NARS2: variants seen among roughly 807,000 people sequenced by gnomAD.
NARS2 encodes asparaginyl-tRNA synthetase 2, mitochondrial.
NARS2 carries 60 observed loss-of-function variants against 62.9 expected under a neutral mutation model. The ratio of observed to expected loss-of-function variants is 0.95; its 90% CI spans 0.77 to 1.18. The LOEUF (loss-of-function observed/expected upper bound fraction) is 1.18, where lower values mean the gene tolerates loss of function less well. NARS2 is among the 50% of genes most tolerant of loss of function. NARS2 has a pLI of 0.00. For synonymous variants in NARS2, 196 were observed against 200.0 expected (o/e 0.98, Z 0.17); for missense variants, 619 against 576.4 (o/e 1.07, Z -0.76).
intron 5 of NARS2, among the ~76,000 whole-genome samples, chr11:78,552,210 C>A (rs961979831): frequency 1.3e-5 from 2 of 152,178 alleles, no homozygotes; most frequent in African/African-American, 4.8e-5. Flanking sequence ...AAGTTCTTAT[C>A]ATTTAGCTCC....
intron 11 of NARS2, among the ~76,000 whole-genome samples, chr11:78,444,204 A>G (rs1260318441): frequency 6.6e-6 from 1 of 152,110 alleles, no homozygotes; most frequent in Admixed American, 6.6e-5. Flanking sequence ...TAATAGCTTT[A>G]ATGTTTAATA....
intron 6 of NARS2, among the ~76,000 whole-genome samples, chr11:78,516,087 G>A (rs1339862746): frequency 1.3e-5 from 2 of 152,158 alleles, no homozygotes; most frequent in African/African-American, 4.8e-5. Flanking sequence ...AAGATTCTAA[G>A]TATTTGGAAG....
chr11:78,460,956 C>T (rs942565382), intron 11 of NARS2, among the ~76,000 whole-genome samples: 1 of 152,142 alleles, frequency 6.6e-6, no homozygotes, highest in Admixed American at 6.5e-5. Flanking sequence ...ACTATTTACA[C>T]AGCATTTACA....
At chr11:78,545,900 ATC>A (rs769459713) in intron 5 of NARS2, among the ~76,000 whole-genome samples, 4 of 151,868 alleles carry the variant, frequency 2.6e-5, no homozygotes, top group Admixed American at 2.6e-4. Flanking sequence ...TTAAACTAGA[ATC>A]TCTCTCTCCC....
At chr11:78,537,205 T>C (rs975583535) in intron 5 of NARS2, among the ~76,000 whole-genome samples, 1 of 152,190 alleles carries the variant, frequency 6.6e-6, no homozygotes, top group African/African-American at 2.4e-5. Flanking sequence ...GATGGAGAGA[T>C]GCAGAGAGAG....
At chr11:78,463,853 T>C (rs1235689241) in intron 11 of NARS2, among the ~76,000 whole-genome samples, 2 of 151,748 alleles carry the variant, frequency 1.3e-5, no homozygotes, top group Non-Finnish European at 2.9e-5. Flanking sequence ...TATCCCTTCA[T>C]AGCCCTCCCC....
intron 4 of NARS2, among the ~76,000 whole-genome samples, chr11:78,560,665 C>T (rs1289838350): frequency 6.6e-6 from 1 of 152,136 alleles, no homozygotes; most frequent in Non-Finnish European, 1.5e-5. Context: ...AGTATTCTGG[C>T]TATAATACAA....
intron 5 of NARS2, among the ~76,000 whole-genome samples, chr11:78,553,159 T>A (rs570440356): frequency 1.3e-5 from 2 of 152,316 alleles, no homozygotes; most frequent in African/African-American, 2.4e-5. Context: ...CTGACTGGTG[T>A]GAGATGGTAT....
intron 2 of NARS2, among the ~76,000 whole-genome samples, chr11:78,570,258 C>T (rs564974997): frequency 4.6e-5 from 7 of 152,290 alleles, no homozygotes; most frequent in Middle Eastern, 6.8e-3. Context: ...CACATAGTCT[C>T]TGATCCATGA....
At chr11:78,505,264 C>T (rs1303023135) in intron 6 of NARS2, among the ~76,000 whole-genome samples, 1 of 105,054 alleles carries the variant, frequency 9.5e-6, no homozygotes, top group Admixed American at 1.1e-4. Flanking sequence ...TTAAAGAAAA[C>T]AAAATACACA....
chr11:78,512,123 C>T (rs1194773946), intron 6 of NARS2, among the ~76,000 whole-genome samples: 1 of 152,164 alleles, frequency 6.6e-6, no homozygotes, highest in African/African-American at 2.4e-5. Context: ...CTAACTTGCT[C>T]TCACTTCTTA....
At chr11:78,444,902 GA>G (rs1428003116) in intron 11 of NARS2, among the ~76,000 whole-genome samples, 1 of 152,112 alleles carries the variant, frequency 6.6e-6, no homozygotes, top group African/African-American at 2.4e-5. Flanking sequence ...CCAAACGCCT[GA>G]AAAATGCAAT....
At chr11:78,440,981 C>A (rs1224735862) in intron 13 of NARS2, 110 bp downstream of exon 13, 3 of 956,800 alleles carry the variant, frequency 3.1e-6, no homozygotes, top group African/African-American at 3.3e-5. Flanking sequence ...CAGTTAAGTT[C>A]ATTGTTTTTA....
intron 4 of NARS2, among the ~76,000 whole-genome samples, chr11:78,564,114 G>A (rs991462131): frequency 6.6e-6 from 1 of 151,644 alleles, no homozygotes; most frequent in Admixed American, 6.6e-5. Flanking sequence ...TGCCAGGGCT[G>A]GTCTTGAACT....
chr11:78,564,645 A>G (rs941705966), intron 4 of NARS2, among the ~76,000 whole-genome samples: 1 of 152,136 alleles, frequency 6.6e-6, no homozygotes, highest in Non-Finnish European at 1.5e-5. Context: ...CAGAACTAAT[A>G]ATTTATCAGC....
chr11:78,485,729 T>C (rs535583031), intron 7 of NARS2, among the ~76,000 whole-genome samples: 28 of 152,240 alleles, frequency 1.8e-4, no homozygotes, highest in African/African-American at 6.7e-4. Context: ...CTAGCCAAAA[T>C]GTAGCCCCAG....
intron 3 of NARS2, 49 bp from the exon 4 acceptor site, chr11:78,566,321 T>C (rs1465904235): frequency 1.4e-6 from 2 of 1,464,156 alleles, no homozygotes; most frequent in Admixed American, 2.2e-5. Context: ...AGATACTGTT[T>C]AATAAAATCA....
At chr11:78,456,348 T>C (rs1858162684) in intron 11 of NARS2, among the ~76,000 whole-genome samples, 1 of 152,222 alleles carries the variant, frequency 6.6e-6, no homozygotes, top group South Asian at 2.1e-4. Flanking sequence ...AGTATTAATA[T>C]AAAATATGTC....
chr11:78,482,963 T>G (rs1487079762), intron 7 of NARS2, among the ~76,000 whole-genome samples: 1 of 152,166 alleles, frequency 6.6e-6, no homozygotes, highest in Non-Finnish European at 1.5e-5. Context: ...CCAATATCCC[T>G]GATGAACATC....
Sources: allele counts gnomAD v4.1 joint callset (sites outside exome capture counted in the v4.1 genomes callset), GRCh38; gene constraint gnomAD v4.1.1; transcripts MANE v1.5; gene names NCBI Gene and HGNC (gene_info 2026-07-23, HGNC 2026-07-21).